The following ERBB4 variants were observed in gnomAD, a reference collection of about 807,000 sequenced individuals.
ERBB4 encodes the protein receptor tyrosine-protein kinase erbB-4.
In ERBB4, 42 loss-of-function variants were observed where a neutral mutation model predicts 158.0. That is an observed-to-expected ratio of 0.27 (90% CI 0.21 to 0.34). The LOEUF is 0.34. Among genes scored for constraint, ERBB4 ranks in the 10% least tolerant of loss-of-function variants. The probability of loss-of-function intolerance (pLI) is 1.00; values close to 1 mark genes in which losing one functional copy is unlikely to be tolerated. For synonymous variants in ERBB4, 583 were observed against 558.7 expected (o/e 1.04, Z -0.61); for missense variants, 1,333 against 1,624.1 (o/e 0.82, Z 3.08).
At chr2:211,504,337 T>C (rs2065691637) in intron 20 of ERBB4, among the ~76,000 whole-genome samples, 2 of 151,998 alleles carry the variant, frequency 1.3e-5, no homozygotes, top group East Asian at 1.9e-4. Context: ...AGACTAAGGC[T>C]ATCTATAACC....
At position 212,063,934 on chromosome 2, in the gene ERBB4, A is replaced by G. The variant is rs145894304; in HGVS notation, c.234+60818T>C. 7.0e-3 allele frequency among the ~76,000 whole-genome samples: 1,071 copies of G among 152,290 alleles called. 8 individuals carry two copies. Among genetic ancestry groups the G allele is most frequent in the Non-Finnish European group, 0.01 (693 of 68,022 alleles). ...CCACTAAAGCTGGAGGTGACTTTAAAGATCATTCTGGTCCCCTCTTTGCAT... is the reference window on the plus strand; with the variant it reads ...CCACTAAAGCTGGAGGTGACTTTAAGGATCATTCTGGTCCCCTCTTTGCAT... On this transcript the variant is annotated intron_variant, in intron 2 of 27. Transcript: ENST00000342788.
rs138442794 is a variant in ERBB4 at position 212,465,896 on chromosome 2, A to C, written c.82+72553T>G. ...AATTTCAAATAGAAGAAATACTTGA[A>C]GTTCTTCTATTTGAAATTCTATTTA... On this transcript the variant is annotated intron_variant, in intron 1 of 27. Transcript: ENST00000342788. 2.0e-3 allele frequency among the ~76,000 whole-genome samples: 304 copies of C among 152,326 alleles called. 1 individual carries two copies. Among genetic ancestry groups the C allele is most frequent in the African/African-American group, 6.6e-3 (274 of 41,578 alleles).
chr2:212,373,466 T>G (rs1368915223), intron 1 of ERBB4, among the ~76,000 whole-genome samples: 2 of 151,990 alleles, frequency 1.3e-5, no homozygotes, highest in Admixed American at 6.6e-5. Context: ...CAGTTTTCAT[T>G]ATTATTGTGT....
intron 2 of ERBB4, among the ~76,000 whole-genome samples, chr2:212,069,847 G>A (rs1337225760): frequency 6.6e-6 from 1 of 151,980 alleles, no homozygotes; most frequent in Non-Finnish European, 1.5e-5. Flanking sequence ...GCTGGGTACG[G>A]TGGCTCCTGT....
intron 3 of ERBB4, among the ~76,000 whole-genome samples, chr2:211,944,573 G>C (rs1278302806): frequency 1.3e-5 from 2 of 151,952 alleles, no homozygotes; most frequent in African/African-American, 4.8e-5. Context: ...AACCTTATCT[G>C]TTCCTTTCCC....
At chr2:212,121,231 T>C (rs756958803) in intron 2 of ERBB4, among the ~76,000 whole-genome samples, 2 of 152,182 alleles carry the variant, frequency 1.3e-5, no homozygotes, top group Non-Finnish European at 2.9e-5. Context: ...GTTTTTTGTT[T>C]GTTTGTTTGT....
intron 1 of ERBB4, among the ~76,000 whole-genome samples, chr2:212,143,736 G>A (rs997906837): frequency 7.2e-5 from 11 of 152,060 alleles, no homozygotes; most frequent in African/African-American, 2.2e-4. Flanking sequence ...TAATTAGATC[G>A]GCTGGACATG....
chr2:212,402,910 G>A (rs578007038), intron 1 of ERBB4, among the ~76,000 whole-genome samples: 16 of 151,934 alleles, frequency 1.1e-4, no homozygotes, highest in Non-Finnish European at 1.3e-4. Flanking sequence ...CAACTTTTAC[G>A]TGATACCAGC....
intron 1 of ERBB4, among the ~76,000 whole-genome samples, chr2:212,166,183 C>T (rs1046096938): frequency 6.6e-6 from 1 of 151,964 alleles, no homozygotes; most frequent in Non-Finnish European, 1.5e-5. Flanking sequence ...CAGTCCCTGA[C>T]CTTTGGCATC....
At chr2:211,978,363 A>AGTCTGTCTGTCTGTCTGTCT in intron 2 of ERBB4, among the ~76,000 whole-genome samples, 1 of 135,270 alleles carries the variant, frequency 7.4e-6, no homozygotes, top group East Asian at 2.2e-4. Context: ...AAGGAGTCTG[A>AGTCTGTCTGTCTGTCTGTCT]GTCTGTCTGT....
At chr2:211,406,050 CTTTGT>C (rs2063140740) in intron 25 of ERBB4, among the ~76,000 whole-genome samples, 3 of 152,296 alleles carry the variant, frequency 2.0e-5, no homozygotes, top group Admixed American at 6.5e-5. Context: ...TCAAATCTCT[CTTTGT>C]TTTAATTCAC....
chr2:211,773,620 ATATATATAT>A (rs1247609396), intron 4 of ERBB4, among the ~76,000 whole-genome samples: 15 of 60,550 alleles, frequency 2.5e-4, no homozygotes, highest in South Asian at 2.2e-3. Context: ...ATATATATAT[ATATATATAT>A]ATATATATAT....
rs753373658 is a variant in ERBB4 at position 211,947,391 on chromosome 2, T to C, written c.421+39A>G. ...TACATATACAATTGCCTTATATTGA[T>C]AATGAAAGCATATTTGCCATTTTGG... On this transcript the variant is annotated intron_variant, in intron 3 of 27. Transcript: ENST00000342788. The C allele has an allele frequency of 2.0e-6, 3 of 1,516,210 alleles. No individual in the cohort carries two copies. In the South Asian group the frequency reaches 3.4e-5, roughly 17 times the overall value. 93.9% of individuals were successfully genotyped at this position (1,516,210 alleles called of 1,614,324 possible). A position where few individuals can be genotyped will look rare whatever the true frequency, so the allele number is the denominator to read the frequency against.
intron 20 of ERBB4, among the ~76,000 whole-genome samples, chr2:211,468,964 G>A (rs192892543): frequency 1.3e-5 from 2 of 149,600 alleles, no homozygotes; most frequent in Non-Finnish European, 3.0e-5. Context: ...TGTGTTTCAT[G>A]TACAGCATTG....
At chr2:212,130,179 A>G (rs910508529) in intron 1 of ERBB4, among the ~76,000 whole-genome samples, 1 of 152,152 alleles carries the variant, frequency 6.6e-6, no homozygotes, top group African/African-American at 2.4e-5. Context: ...ACCTTTGTCA[A>G]TACTATTATA....
intron 2 of ERBB4, among the ~76,000 whole-genome samples, chr2:212,056,446 C>T (rs963514246): frequency 5.3e-5 from 8 of 151,988 alleles, no homozygotes; most frequent in East Asian, 1.9e-4. Flanking sequence ...AGAGACTCCT[C>T]GAGAAGAGCA....
chr2:211,402,462 T>A (rs1227018206), intron 25 of ERBB4, among the ~76,000 whole-genome samples: 6 of 152,112 alleles, frequency 3.9e-5, no homozygotes, highest in African/African-American at 1.4e-4. Flanking sequence ...TTAAAAGTAA[T>A]ACTAGCACCC....
chr2:211,755,624 T>G (rs2075272910), intron 4 of ERBB4, among the ~76,000 whole-genome samples: 1 of 152,258 alleles, frequency 6.6e-6, no homozygotes, highest in Non-Finnish European at 1.5e-5. Flanking sequence ...TCATGGAAGC[T>G]GGCAAACGTG....
At chr2:211,753,386 T>C (rs1270839770) in intron 4 of ERBB4, among the ~76,000 whole-genome samples, 2 of 152,174 alleles carry the variant, frequency 1.3e-5, no homozygotes, top group African/African-American at 4.8e-5. Context: ...TTAAGCATGA[T>C]GTTAAGCAAT....
Sources: gnomAD v4.1 joint callset for allele counts (sites outside exome capture counted in the v4.1 genomes callset) on GRCh38, gnomAD v4.1.1 for gene constraint, MANE v1.5 for transcripts, NCBI Gene and HGNC (gene_info 2026-07-23, HGNC 2026-07-21) for gene names.